CLK1: variants seen among roughly 807,000 people sequenced by gnomAD.
CLK1 encodes dual specificity protein kinase CLK1.
CLK1 carries 40 observed loss-of-function variants against 60.9 expected under a neutral mutation model. The observed-to-expected ratio is 0.66, with a 90% CI of 0.51 to 0.86. The LOEUF (loss-of-function observed/expected upper bound fraction) is 0.86, where lower values mean the gene tolerates loss of function less well. Among genes scored for constraint, CLK1 ranks in the 40% least tolerant of loss-of-function variants. CLK1 has a pLI of 0.00. For missense variants in CLK1, 563 were observed against 606.1 expected (o/e 0.93, Z 0.75); for synonymous variants, 203 against 184.4 (o/e 1.10, Z -0.82).
intron 1 of CLK1, chr2:200,864,231 C>A: frequency 6.5e-7 from 1 of 1,544,718 alleles, no homozygotes; most frequent in South Asian, 1.2e-5. Context: ...CGCCATCTTA[C>A]AGCTCCGCCG....
intron 1 of CLK1, among the ~76,000 whole-genome samples, chr2:200,862,423 T>C (rs900367437): frequency 1.3e-4 from 19 of 151,708 alleles, no homozygotes; most frequent in African/African-American, 4.1e-4. Context: ...CTTTATAATC[T>C]CCCCCACCCT....
chr2:200,856,585 T>C, intron 9 of CLK1, 97 bp downstream of exon 9: 1 of 960,040 alleles, frequency 1.0e-6, no homozygotes, highest in Admixed American at 2.5e-5. Context: ...TTAAAGAGAA[T>C]ATGATAAAGC....
intron 1 of CLK1, among the ~76,000 whole-genome samples, chr2:200,862,499 C>A (rs139980541): frequency 2.0e-5 from 3 of 152,056 alleles, no homozygotes; most frequent in Non-Finnish European, 4.4e-5. Flanking sequence ...CCCCCTGCTC[C>A]CAAAACATTG....
At chr2:200,855,451 C>T (rs1161968912) in intron 9 of CLK1, among the ~76,000 whole-genome samples, 1 of 152,086 alleles carries the variant, frequency 6.6e-6, no homozygotes, top group African/African-American at 2.4e-5. Context: ...GAAACTCCGT[C>T]TCTACTAAAA....
intron 9 of CLK1, among the ~76,000 whole-genome samples, chr2:200,855,950 A>G: frequency 6.8e-6 from 1 of 147,964 alleles, no homozygotes; most frequent in East Asian, 2.1e-4. Flanking sequence ...CAGAAGTTGC[A>G]GTGAGCCAAG....
In CLK1 at chr2:200,853,836, C is replaced by T. The variant is rs375603908; in HGVS notation, c.1311+67G>A. ...CTCCAGCCTGGACAACGAAGCAAGGCTCGGTCTCAAAAGACAAACAGAAGA... is the reference window on the plus strand; with the variant it reads ...CTCCAGCCTGGACAACGAAGCAAGGTTCGGTCTCAAAAGACAAACAGAAGA... On this transcript the variant is annotated intron_variant, in intron 12 of 12. Coordinates refer to ENST00000321356, the MANE Select transcript of CLK1 (RefSeq NM_004071.4). The T allele has an allele frequency of 8.7e-4, 1,097 of 1,264,656 alleles. 3 individuals are homozygous for T. The Middle Eastern group carries it at 0.016, about 18-fold the overall frequency. 78.3% of individuals were successfully genotyped at this position (1,264,656 alleles called of 1,614,324 possible). A position where few individuals can be genotyped will look rare whatever the true frequency, so the allele number is the denominator to read the frequency against.
chr2:200,855,044 C>A lies in CLK1; in HGVS notation c.1100G>T (p.Cys367Phe), dbSNP rs1257186811. 6.2e-7 allele frequency: 1 copy of A among 1,612,800 alleles called. No homozygotes were observed. Among genetic ancestry groups the A allele is most frequent in the Admixed American group, 1.7e-5 (1 of 59,736 alleles). ...SQPCDVWSIG[C>F]ILIEYYLGFT... is the part of the protein sequence containing the mutation. Reference sequence around the variant, plus strand: ...CCCAAGATAGTATTCAATAAGAATGCATCCTATGCTCCAGACATCACATGG... The same window carrying A: ...CCCAAGATAGTATTCAATAAGAATGAATCCTATGCTCCAGACATCACATGG... The change falls in exon 10 of 13, where the codon TGC becomes TTC. Residue 367 changes from cysteine to phenylalanine, a missense_variant. Cys to Phe is a radical substitution (Grantham distance 205). Transcript: ENST00000321356.
intron 1 of CLK1, among the ~76,000 whole-genome samples, chr2:200,862,573 C>G (rs2039157636): frequency 1.3e-5 from 2 of 152,214 alleles, no homozygotes; most frequent in South Asian, 4.1e-4. Flanking sequence ...CACCCTTTGC[C>G]GACTCCTTTT....
chr2:200,859,988 C>T lies in CLK1; in HGVS notation c.481+137G>A, dbSNP rs1300923663. On this transcript the variant is annotated intron_variant, in intron 4 of 12. Coordinates refer to ENST00000321356, the MANE Select transcript of CLK1 (RefSeq NM_004071.4). ...CTAAAGAAAGCAAAAATACAATCCCCCCCACCAAAAGAAATGGAAAAATAA... is the reference window on the plus strand; with the variant it reads ...CTAAAGAAAGCAAAAATACAATCCCTCCCACCAAAAGAAATGGAAAAATAA... The T allele has an allele frequency of 4.9e-6, 7 of 1,439,856 alleles. 1 individual carries two copies. In the South Asian group the frequency reaches 6.2e-5, roughly 13 times the overall value. 89.2% of individuals were successfully genotyped at this position (1,439,856 alleles called of 1,614,324 possible).
chr2:200,864,327 C>G (rs759592692), intron 1 of CLK1: 40 of 1,414,088 alleles, frequency 2.8e-5, no homozygotes, highest in Non-Finnish European at 3.7e-5. Context: ...TCCAAGAGGG[C>G]GGCCGGCCTA....
chr2:200,859,892 C>G, intron 4 of CLK1, 146 bp from the exon 5 acceptor site: 2 of 1,441,960 alleles, frequency 1.4e-6, no homozygotes, highest in Non-Finnish European at 1.8e-6. Flanking sequence ...CATCAAAAAA[C>G]ATAATTATTA....
At chr2:200,861,558 A>G in intron 2 of CLK1, 92 bp from the exon 3 acceptor site, 2 of 1,560,168 alleles carry the variant, frequency 1.3e-6, no homozygotes, top group South Asian at 1.2e-5. Context: ...CCCCACAAGC[A>G]GCTTAATTTT....
At chr2:200,858,648 G>A (rs1046864251) in intron 5 of CLK1, among the ~76,000 whole-genome samples, 1 of 152,010 alleles carries the variant, frequency 6.6e-6, no homozygotes, top group African/African-American at 2.4e-5. Flanking sequence ...AGTGAGCCAA[G>A]ATTGCACCAC....
chr2:200,859,409 C>T (rs1400249390), intron 5 of CLK1, among the ~76,000 whole-genome samples: 1 of 152,140 alleles, frequency 6.6e-6, no homozygotes, highest in East Asian at 1.9e-4. Flanking sequence ...AAAAATATGG[C>T]CTAACAACAG....
At chr2:200,863,376 T>C (rs1040578136) in intron 1 of CLK1, 3 of 150,168 alleles carry the variant, frequency 2.0e-5, no homozygotes, top group Non-Finnish European at 3.0e-5. Context: ...CAGGGTAATA[T>C]AGAGAGACCC....
Position 200,857,984 on chromosome 2 carries a change from G to C in CLK1, c.654C>G (p.Pro218=), listed in dbSNP as rs570099537. ...AATCTGATACTTACAAAGTACTGTT[G>C]GGGTCTGTTGTATTCAGATGTTCCA... is the stretch of plus-strand genomic sequence containing the variant. ...QVLEHLNTTD[P]NSTFRCVQML... The change falls in exon 6 of 13, where the codon CCC becomes CCG. Residue 218 remains proline (P), a synonymous_variant. Transcript: ENST00000321356. 6.2e-7 allele frequency: 1 copy of C among 1,613,304 alleles called. No homozygotes were observed. Among genetic ancestry groups the C allele is most frequent in the African/African-American group, 1.3e-5 (1 of 75,022 alleles).
intron 9 of CLK1, 82 bp downstream of exon 9, chr2:200,856,600 C>T (rs766491345): frequency 1.7e-4 from 200 of 1,171,562 alleles, no homozygotes; most frequent in Non-Finnish European, 2.4e-4. Context: ...TAAAGCCCCA[C>T]AAGTAAGACC....
rs764968329 is a variant in CLK1 at position 200,861,765 on chromosome 2, C to G, written c.98G>C (p.Arg33Thr). The G allele has an allele frequency of 1.2e-6, 2 of 1,614,114 alleles. No individual in the cohort carries two copies. The highest frequency in any genetic ancestry group is 2.2e-5 in the South Asian group (2 of 91,078). The change falls in exon 2 of 13, where the codon AGA becomes ACA. Residue 33 changes from arginine (R) to threonine (T), a missense_variant. Physicochemically the swap from Arg to Thr is moderately conservative, Grantham distance 71 (BLOSUM62 -1). This residue lies in a region of CLK1 where 198 missense variants were observed against 179.2 expected (regional missense o/e 1.10). Coordinates refer to ENST00000321356, the MANE Select transcript of CLK1 (RefSeq NM_004071.4). ...RSSSSHKRRK[R>T]SHSSAQENKR... The stretch of plus-strand genomic sequence containing the variant: ...GTTCTCCTGGGCACTGCTATGTGAT[C>G]TCTTCCTTCTTTTATGACTGCTGCT...
intron 3 of CLK1, chr2:200,860,953 A>G (rs2039127374): frequency 8.5e-7 from 1 of 1,176,114 alleles, no homozygotes; most frequent in Non-Finnish European, 1.1e-6. Context: ...AAACCCTTTT[A>G]GAATATTTTG....
Sources: gnomAD v4.1 joint callset for allele counts (sites outside exome capture counted in the v4.1 genomes callset) on GRCh38, gnomAD v4.1.1 for gene constraint, gnomAD v4.1.1 regional missense constraint, MANE v1.5 for transcripts, NCBI Gene and HGNC (gene_info 2026-07-23, HGNC 2026-07-21) for gene names.